The following CCDC171 variants were observed in gnomAD, a reference collection of about 807,000 sequenced individuals.
CCDC171 encodes coiled-coil domain-containing protein 171.
In CCDC171, 177 loss-of-function variants were observed where a neutral mutation model predicts 168.2. The ratio of observed to expected loss-of-function variants is 1.05; its 90% CI spans 0.93 to 1.19. CCDC171 has a LOEUF of 1.19. CCDC171 is among the 50% of genes most tolerant of loss of function. The pLI, the probability that CCDC171 is intolerant of heterozygous loss-of-function variation, is 0.00. For synonymous variants in CCDC171, 687 were observed against 540.8 expected, an observed-to-expected ratio of 1.27 and a Z score of -3.75; for missense variants, 1,991 against 1,539.0, an observed-to-expected ratio of 1.29 and a Z score of -4.91.
Position 15,734,833 on chromosome 9 carries a change from G to GA in CCDC171, c.2049+5041dup, listed in dbSNP as rs543913502. On this transcript the variant is annotated intron_variant, in intron 16 of 25. Coordinates refer to ENST00000380701, the MANE Select transcript of CCDC171 (RefSeq NM_173550.4). ...AATTATGTTGATAAGGACATGAGGG[G>GA]AAAAAATCCGCAGTTGTTATATAGG... Among the ~76,000 whole-genome samples, 39 of 152,180 alleles carry GA rather than the reference G, an allele frequency of 2.6e-4. 1 individual carries two copies. In the South Asian group the frequency reaches 7.3e-3, roughly 28 times the overall value.
At chr9:15,679,092 A>C (rs2049854026) in intron 10 of CCDC171, among the ~76,000 whole-genome samples, 196 bp downstream of exon 10, 1 of 152,218 alleles carries the variant, frequency 6.6e-6, no homozygotes, top group Non-Finnish European at 1.5e-5. Context: ...GATTTGGAAT[A>C]ATTGGGGGAA....
At chr9:15,894,028 A>G (rs557806759) in intron 24 of CCDC171, among the ~76,000 whole-genome samples, 3 of 152,182 alleles carry the variant, frequency 2.0e-5, no homozygotes, top group Non-Finnish European at 4.4e-5. Context: ...AATCAACCCA[A>G]ATGCCCTTCA....
the CCDC171 span, among the ~76,000 whole-genome samples, chr9:16,066,957 A>G: frequency 6.6e-6 from 1 of 151,970 alleles, no homozygotes; most frequent in African/African-American, 2.4e-5. Context: ...CATGATTTAT[A>G]GTCCTTTGGG....
intron 24 of CCDC171, among the ~76,000 whole-genome samples, chr9:15,906,892 C>G (rs200381786): frequency 2.6e-5 from 4 of 151,890 alleles, no homozygotes; most frequent in Admixed American, 2.0e-4. Flanking sequence ...GACAAGCAGA[C>G]ATCCAAATCA....
At chr9:15,591,612 T>A (rs1164712197) in intron 5 of CCDC171, 56 bp downstream of exon 5, 1 of 937,036 alleles carries the variant, frequency 1.1e-6, no homozygotes, top group Non-Finnish European at 1.6e-6. Flanking sequence ...CGAGATGTGT[T>A]GTACATTACT....
intron 25 of CCDC171, among the ~76,000 whole-genome samples, chr9:15,931,967 T>C (rs1045846185): frequency 4.6e-5 from 7 of 151,970 alleles, no homozygotes; most frequent in Admixed American, 4.6e-4. Flanking sequence ...TATGTGTCTG[T>C]TTTTATGCCA....
chr9:15,831,426 A>G (rs1018087956), intron 21 of CCDC171, among the ~76,000 whole-genome samples: 1 of 152,210 alleles, frequency 6.6e-6, no homozygotes, highest in Non-Finnish European at 1.5e-5. Flanking sequence ...AACACACTTG[A>G]CACTTTCTTA....
At chr9:15,906,812 G>A (rs201228656) in intron 24 of CCDC171, among the ~76,000 whole-genome samples, 24 of 152,036 alleles carry the variant, frequency 1.6e-4, no homozygotes, top group East Asian at 9.7e-4. Context: ...GCTGATAAGC[G>A]ACTTCAGCAA....
chr9:15,903,342 G>A (rs1341886449), intron 24 of CCDC171, among the ~76,000 whole-genome samples: 1 of 152,102 alleles, frequency 6.6e-6, no homozygotes, highest in Non-Finnish European at 1.5e-5. Flanking sequence ...AACTTCCAGA[G>A]GAATGATCAG....
chr9:15,949,193 G>C (rs1260187152), intron 25 of CCDC171, among the ~76,000 whole-genome samples: 2 of 151,928 alleles, frequency 1.3e-5, no homozygotes, highest in Non-Finnish European at 2.9e-5. Context: ...TCTCAGTTTT[G>C]GTACCAGTAC....
intron 25 of CCDC171, among the ~76,000 whole-genome samples, chr9:15,957,205 T>G (rs188516310): frequency 6.6e-6 from 1 of 152,214 alleles, no homozygotes; most frequent in East Asian, 1.9e-4. Flanking sequence ...GCAGACACCA[T>G]GCACCTTGAC....
At chr9:15,804,676 A>T (rs1224215873) in intron 21 of CCDC171, among the ~76,000 whole-genome samples, 1 of 151,950 alleles carries the variant, frequency 6.6e-6, no homozygotes, top group Non-Finnish European at 1.5e-5. Flanking sequence ...GTTCATTAAG[A>T]ATATTAGCCT....
At chr9:15,825,167 A>G (rs2059960705) in intron 21 of CCDC171, among the ~76,000 whole-genome samples, 2 of 152,152 alleles carry the variant, frequency 1.3e-5, no homozygotes, top group South Asian at 2.1e-4. Context: ...TTAGAAATAG[A>G]ACCTATTAAT....
intron 21 of CCDC171, among the ~76,000 whole-genome samples, chr9:15,831,534 C>G (rs1481283793): frequency 6.6e-6 from 1 of 152,086 alleles, no homozygotes; most frequent in African/African-American, 2.4e-5. Context: ...TGACTGTCAC[C>G]TTGGAATTTA....
the CCDC171 span, among the ~76,000 whole-genome samples, chr9:16,102,400 G>A: frequency 1.1e-4 from 17 of 148,894 alleles, no homozygotes; most frequent in Non-Finnish European, 2.1e-4. Context: ...TTGCTGGCTC[G>A]CTAAGTAAAC....
At chr9:15,799,969 G>A (rs1470156473) in intron 21 of CCDC171, among the ~76,000 whole-genome samples, 1 of 151,978 alleles carries the variant, frequency 6.6e-6, no homozygotes, top group African/African-American at 2.4e-5. Flanking sequence ...CTCTCTTATG[G>A]CTGCGTAATA....
At chr9:15,822,170 A>G (rs2059803566) in intron 21 of CCDC171, among the ~76,000 whole-genome samples, 1 of 152,206 alleles carries the variant, frequency 6.6e-6, no homozygotes. Context: ...TACACCTTAT[A>G]CAAAAATTAA....
At chr9:15,786,693 C>G (rs765139456) in intron 21 of CCDC171, among the ~76,000 whole-genome samples, 1 of 152,124 alleles carries the variant, frequency 6.6e-6, no homozygotes, top group Non-Finnish European at 1.5e-5. Context: ...TGAAAAACCA[C>G]AAAAGAAGTG....
chr9:15,627,944 G>C (rs190642578), intron 7 of CCDC171, among the ~76,000 whole-genome samples: 44 of 152,224 alleles, frequency 2.9e-4, no homozygotes, highest in African/African-American at 1.0e-3. Context: ...ATTATTGTGT[G>C]GGAGTCTAAG....
Sources: allele counts gnomAD v4.1 joint callset (sites outside exome capture counted in the v4.1 genomes callset), GRCh38; gene constraint gnomAD v4.1.1; transcripts MANE v1.5; gene names NCBI Gene and HGNC (gene_info 2026-07-23, HGNC 2026-07-21).